The following JRKL variants were observed in gnomAD, a reference collection of about 807,000 sequenced individuals.
The protein encoded by JRKL is jerky protein homolog-like.
A neutral mutation model predicts 34.7 loss-of-function variants in JRKL; 25 were observed. That is an observed-to-expected ratio of 0.72 (90% CI 0.53 to 1.01). The LOEUF (loss-of-function observed/expected upper bound fraction) is 1.01. Ranked by LOEUF, JRKL falls within the 50% of genes least tolerant of loss-of-function variation. The probability of loss-of-function intolerance (pLI) is 0.00; values close to 1 mark genes in which losing one functional copy is unlikely to be tolerated. For missense variants in JRKL, 495 were observed against 615.7 expected (o/e 0.80, Z 2.07); for synonymous variants, 204 against 212.8 (o/e 0.96, Z 0.36).
chr11:96,391,835 G>C lies in JRKL; in HGVS notation c.1186G>C (p.Glu396Gln), dbSNP rs1267043301. 6.2e-7 allele frequency: 1 copy of C among 1,614,176 alleles called. No homozygotes were observed. Among genetic ancestry groups the C allele is most frequent in the Admixed American group, 1.7e-5 (1 of 60,024 alleles). Reference sequence around the variant, plus strand: ...GATTCTCCCTATGGTAGAGGAGAAAGAGAGCCTGGACTTTGATGTTGAAGA... The same window carrying C: ...GATTCTCCCTATGGTAGAGGAGAAACAGAGCCTGGACTTTGATGTTGAAGA... ...KKILPMVEEK[E>Q]SLDFDVEDIS... Residue 396 changes from glutamate to glutamine, a missense_variant, in exon 2 of 2, where the codon GAG (glutamate) becomes CAG (glutamine). Coordinates refer to ENST00000332349, the MANE Select transcript of JRKL (RefSeq NM_001261833.2).
chr11:96,390,195 C>G (rs954737586), intron 1 of JRKL, 122 bp downstream of exon 1: 7 of 157,004 alleles, frequency 4.5e-5, no homozygotes, highest in African/African-American at 1.7e-4. Context: ...TCTAATATAT[C>G]CGTTCCCCTG....
At position 96,393,222 on chromosome 11, in the gene JRKL, G is replaced by A. The variant is rs1591242834; in HGVS notation, c.*998G>A. 2 of 165,742 alleles carry A rather than the reference G, an allele frequency of 1.2e-5. No individual in the cohort carries two copies. The highest frequency in any genetic ancestry group is 3.0e-5 in the Non-Finnish European group (2 of 67,752). The allele number at this position is 165,742 out of a possible 1,614,324, so 10.3% of individuals were successfully genotyped here. A position where few individuals can be genotyped will look rare whatever the true frequency, so the allele number is the denominator to read the frequency against. On this transcript the variant is annotated 3_prime_UTR_variant, in exon 2 of 2. Transcript: ENST00000332349. The stretch of plus-strand genomic sequence containing the variant: ...ATATCTGGCCCTTTGATGAGAAAAG[G>A]AAATTACAATAATAAAGTTTTATGA...
In JRKL at chr11:96,390,632, G is replaced by T; in HGVS notation, c.-18G>T. On this transcript the variant is annotated 5_prime_UTR_variant, in exon 2 of 2. Transcript: ENST00000332349. ...GATTGCTACATTGTGAGTGTGGGGTGAGTCCCAGAACCTCGCTATGTCAGG... is the reference window on the plus strand; with the variant it reads ...GATTGCTACATTGTGAGTGTGGGGTTAGTCCCAGAACCTCGCTATGTCAGG... The T allele has an allele frequency of 1.3e-6, 2 of 1,553,312 alleles. No homozygotes were observed. The highest frequency in any genetic ancestry group is 1.7e-6 in the Non-Finnish European group (2 of 1,157,564).
Position 96,391,727 on chromosome 11 carries a change from C to A in JRKL, c.1078C>A (p.Leu360Ile). 6.2e-7 allele frequency: 1 copy of A among 1,614,150 alleles called. No individual in the cohort carries two copies. Among genetic ancestry groups the A allele is most frequent in the Non-Finnish European group, 8.5e-7 (1 of 1,180,030 alleles). ...TGACCTGAAATCATTCTGGAAGAAG[C>A]TAACTCTGTTGGATGCACTTTATGA... ...GNDLKSFWKK[L>I]TLLDALYEIA... is the part of the protein sequence containing the mutation. Residue 360 changes from leucine (L) to isoleucine (I), a missense_variant, in exon 2 of 2, where the codon CTA becomes ATA. Transcript: ENST00000332349.
In JRKL at chr11:96,392,251, C is replaced by T. The variant is rs763667376; in HGVS notation, c.*27C>T. The T allele has an allele frequency of 5.3e-6, 8 of 1,514,664 alleles. No homozygotes were observed. The South Asian group carries it at 8.0e-5, about 15-fold the overall frequency. 93.8% of individuals were successfully genotyped at this position (1,514,664 alleles called of 1,614,324 possible). A position where few individuals can be genotyped will look rare whatever the true frequency, so the allele number is the denominator to read the frequency against. On this transcript the variant is annotated 3_prime_UTR_variant, in exon 2 of 2. Coordinates refer to ENST00000332349, the MANE Select transcript of JRKL (RefSeq NM_001261833.2). ...GTCATTTCAATTTTATTGTTCTGCT[C>T]ATTGTGTTTGTGACAAACTCTTTGC...
In JRKL at chr11:96,392,125, A is replaced by G. The variant is rs1369219110; in HGVS notation, c.1476A>G (p.Leu492=). 3.1e-6 allele frequency: 5 copies of G among 1,613,942 alleles called. No individual in the cohort carries two copies. Among genetic ancestry groups the G allele is most frequent in the East Asian group, 4.5e-5 (2 of 44,894 alleles). Residue 492 remains leucine (L), a synonymous_variant, in exon 2 of 2, where the codon CTA becomes CTG. Transcript: ENST00000332349. ...LQWTENLLDY[L]EQQGDMILPD... is the part of the protein sequence containing the mutation. Reference sequence around the variant, plus strand: ...GGACTGAAAATTTATTGGATTATCTAGAACAACAAGGTGATATGATTCTAC... The same window carrying G: ...GGACTGAAAATTTATTGGATTATCTGGAACAACAAGGTGATATGATTCTAC...
Position 96,393,227 on chromosome 11 carries a change from T to G in JRKL, c.*1003T>G, listed in dbSNP as rs1025372509. 5 of 166,544 alleles carry G rather than the reference T, an allele frequency of 3.0e-5. No homozygotes were observed. The highest frequency in any genetic ancestry group is 7.4e-5 in the Non-Finnish European group (5 of 67,926). The allele number at this position is 166,544 out of a possible 1,614,324, so 10.3% of individuals were successfully genotyped here. A position where few individuals can be genotyped will look rare whatever the true frequency, so the allele number is the denominator to read the frequency against. ...TGGCCCTTTGATGAGAAAAGGAAAT[T>G]ACAATAATAAAGTTTTATGATTTTA... is the stretch of plus-strand genomic sequence containing the variant. On this transcript the variant is annotated 3_prime_UTR_variant, in exon 2 of 2. Transcript: ENST00000332349.
At position 96,391,280 on chromosome 11, in the gene JRKL, A is replaced by G; in HGVS notation, c.631A>G (p.Ile211Val). Residue 211 changes from isoleucine (I) to valine (V), a missense_variant, in exon 2 of 2, where the codon ATC (isoleucine) becomes GTC (valine). Transcript: ENST00000332349. ...GHKSIEERVT[I>V]MCCANATGLH... ...CAAATCAATTGAAGAAAGAGTCACA[A>G]TCATGTGTTGTGCCAATGCAACAGG... is the stretch of plus-strand genomic sequence containing the variant. 2 of 1,551,666 alleles carry G rather than the reference A, an allele frequency of 1.3e-6. No individual in the cohort carries two copies. Among genetic ancestry groups the G allele is most frequent in the Non-Finnish European group, 1.7e-6 (2 of 1,147,000 alleles).
In JRKL at chr11:96,392,077, T is replaced by C; in HGVS notation, c.1428T>C (p.Ile476=). The change falls in exon 2 of 2, where the codon ATT becomes ATC. Residue 476 remains isoleucine (I), a synonymous_variant. Transcript: ENST00000332349. The part of the protein sequence containing the change: ...EEIELIPEKH[I]NHAAALQWTE... ...TAGAACTAATTCCAGAGAAACATAT[T>C]AATCATGCAGCTGCCCTCCAGTGGA... The C allele has an allele frequency of 6.2e-7, 1 of 1,614,002 alleles. No homozygotes were observed. The highest frequency in any genetic ancestry group is 8.5e-7 in the Non-Finnish European group (1 of 1,179,974).
In JRKL at chr11:96,390,770, A is replaced by G; in HGVS notation, c.121A>G (p.Thr41Ala). 2 of 1,613,812 alleles carry G rather than the reference A, an allele frequency of 1.2e-6. No homozygotes were observed. The highest frequency in any genetic ancestry group is 1.7e-6 in the Non-Finnish European group (2 of 1,179,948). ...LAVIYGIGET[T>A]VRDIRKNKEK... is the part of the protein sequence containing the mutation. Reference sequence around the variant, plus strand: ...AGTGATTTATGGAATTGGTGAAACAACAGTTCGGGATATAAGAAAAAATAA... The same window carrying G: ...AGTGATTTATGGAATTGGTGAAACAGCAGTTCGGGATATAAGAAAAAATAA... The change falls in exon 2 of 2, where the codon ACA becomes GCA. Residue 41 changes from threonine (T) to alanine (A), a missense_variant. Physicochemically the swap from Thr to Ala is moderately conservative, Grantham distance 58. Coordinates refer to ENST00000332349, the MANE Select transcript of JRKL (RefSeq NM_001261833.2).
chr11:96,390,548 A>C lies in JRKL; in HGVS notation c.-102A>C, dbSNP rs1034054126. The C allele has an allele frequency of 6.9e-7, 1 of 1,444,448 alleles. No homozygotes were observed. The highest frequency in any genetic ancestry group is 1.5e-5 in the South Asian group (1 of 66,000). The allele number at this position is 1,444,448 out of a possible 1,614,324, so 89.5% of individuals were successfully genotyped here. A position where few individuals can be genotyped will look rare whatever the true frequency, so the allele number is the denominator to read the frequency against. On this transcript the variant is annotated 5_prime_UTR_variant, in exon 2 of 2. Transcript: ENST00000332349. ...CCACCAGGTTGCTGGTAAGGATGAA[A>C]GACTGAGTGTGTTAAGACTGTTGAA...
In JRKL at chr11:96,391,755, T is replaced by C. The variant is rs1866545875; in HGVS notation, c.1106T>C (p.Ile369Thr). The change falls in exon 2 of 2, where the codon ATA becomes ACA. Residue 369 changes from isoleucine (I) to threonine (T), a missense_variant. Ile to Thr is a moderately conservative substitution (Grantham distance 89). Coordinates refer to ENST00000332349, the MANE Select transcript of JRKL (RefSeq NM_001261833.2). ...ACTCTGTTGGATGCACTTTATGAAA[T>C]AGCAATGGCATGGAACTTAGTAAAA... Reference protein sequence around the residue: ...KLTLLDALYEIAMAWNLVKPV... With the variant: ...KLTLLDALYETAMAWNLVKPV... 1 of 1,614,132 alleles carries C rather than the reference T, an allele frequency of 6.2e-7. No homozygotes were observed.
In JRKL at chr11:96,392,112, T is replaced by G. The variant is rs776921618; in HGVS notation, c.1463T>G (p.Leu488Ter). 4 of 1,614,002 alleles carry G rather than the reference T, an allele frequency of 2.5e-6. No homozygotes were observed. The highest frequency in any genetic ancestry group is 3.4e-6 in the Non-Finnish European group (4 of 1,179,940). Reference protein sequence around the residue: ...HAAALQWTENLLDYLEQQGDM... With the variant: ...HAAALQWTEN ...GCTGCCCTCCAGTGGACTGAAAATT[T>G]ATTGGATTATCTAGAACAACAAGGT... is the stretch of plus-strand genomic sequence containing the variant. Residue 488 changes from leucine (L) to a stop codon, truncating the protein, a stop_gained, in exon 2 of 2, where the codon TTA becomes TGA. Transcript: ENST00000332349. LOFTEE classifies it high-confidence loss of function.
At position 96,390,771 on chromosome 11, in the gene JRKL, C is replaced by T; in HGVS notation, c.122C>T (p.Thr41Ile). Reference sequence around the variant, plus strand: ...GTGATTTATGGAATTGGTGAAACAACAGTTCGGGATATAAGAAAAAATAAG... The same window carrying T: ...GTGATTTATGGAATTGGTGAAACAATAGTTCGGGATATAAGAAAAAATAAG... ...LAVIYGIGET[T>I]VRDIRKNKEK... The change falls in exon 2 of 2, where the codon ACA (threonine) becomes ATA (isoleucine). Residue 41 changes from threonine to isoleucine, a missense_variant. Coordinates refer to ENST00000332349, the MANE Select transcript of JRKL (RefSeq NM_001261833.2). 2 of 1,613,706 alleles carry T rather than the reference C, an allele frequency of 1.2e-6. No homozygotes were observed. Among genetic ancestry groups the T allele is most frequent in the Non-Finnish European group, 1.7e-6 (2 of 1,179,936 alleles).
rs370269979 is a variant in JRKL, at chr11:96,392,235, A to G, written c.*11A>G. On this transcript the variant is annotated 3_prime_UTR_variant, in exon 2 of 2. Transcript: ENST00000332349. Reference sequence around the variant, plus strand: ...AAGTCAAGTCAATAATGTCATTTCAATTTTATTGTTCTGCTCATTGTGTTT... The same window carrying G: ...AAGTCAAGTCAATAATGTCATTTCAGTTTTATTGTTCTGCTCATTGTGTTT... The G allele has an allele frequency of 1.8e-5, 28 of 1,550,802 alleles. No individual in the cohort carries two copies. Among genetic ancestry groups the G allele is most frequent in the South Asian group, 1.0e-4 (8 of 79,360 alleles).
intron 1 of JRKL, 123 bp downstream of exon 1, chr11:96,390,196 C>T (rs78994203): frequency 0.078 from 12,247 of 156,796 alleles, 543 homozygotes; most frequent in African/African-American, 0.11. Flanking sequence ...CTAATATATC[C>T]GTTCCCCTGA....
chr11:96,392,125 A>C lies in JRKL; in HGVS notation c.1476A>C (p.Leu492=). Residue 492 remains leucine (L), a synonymous_variant, in exon 2 of 2, where the codon CTA becomes CTC. Coordinates refer to ENST00000332349, the MANE Select transcript of JRKL (RefSeq NM_001261833.2). ...LQWTENLLDY[L]EQQGDMILPD... ...GGACTGAAAATTTATTGGATTATCTAGAACAACAAGGTGATATGATTCTAC... is the reference window on the plus strand; with the variant it reads ...GGACTGAAAATTTATTGGATTATCTCGAACAACAAGGTGATATGATTCTAC... The C allele has an allele frequency of 3.1e-6, 5 of 1,614,060 alleles. No homozygotes were observed. The South Asian group carries it at 5.5e-5, about 18-fold the overall frequency.
In JRKL at chr11:96,392,067, A is replaced by G; in HGVS notation, c.1418A>G (p.Glu473Gly). The change falls in exon 2 of 2, where the codon GAG becomes GGG. Residue 473 changes from glutamate (E) to glycine (G), a missense_variant. Transcript: ENST00000332349. ...GAGGAGGAAATAGAACTAATTCCAG[A>G]GAAACATATTAATCATGCAGCTGCC... The part of the protein sequence containing the change: ...NEEEEIELIP[E>G]KHINHAAALQ... The G allele has an allele frequency of 4.3e-6, 7 of 1,614,018 alleles. No individual in the cohort carries two copies. Among genetic ancestry groups the G allele is most frequent in the Non-Finnish European group, 5.9e-6 (7 of 1,179,966 alleles).
chr11:96,390,607 G>A lies in JRKL; in HGVS notation c.-43G>A. 4 of 1,535,336 alleles carry A rather than the reference G, an allele frequency of 2.6e-6. No homozygotes were observed. The South Asian group carries it at 4.0e-5, about 15-fold the overall frequency. On this transcript the variant is annotated 5_prime_UTR_variant, in exon 2 of 2. Coordinates refer to ENST00000332349, the MANE Select transcript of JRKL (RefSeq NM_001261833.2). Reference sequence around the variant, plus strand: ...GTGTAAGAGAAGGAAGGATTTTGTGGATTGCTACATTGTGAGTGTGGGGTG... The same window carrying A: ...GTGTAAGAGAAGGAAGGATTTTGTGAATTGCTACATTGTGAGTGTGGGGTG...
Sources: allele counts gnomAD v4.1 joint callset, GRCh38; gene constraint gnomAD v4.1.1; transcripts MANE v1.5; gene names NCBI Gene and HGNC (gene_info 2026-07-23, HGNC 2026-07-21).